Variants in POLR3B observed in about 807,000 individuals in gnomAD.
POLR3B encodes DNA-directed RNA polymerase III subunit RPC2.
A neutral mutation model predicts 147.4 loss-of-function variants in POLR3B; 96 were observed. The observed-to-expected ratio is 0.65, with a 90% CI of 0.55 to 0.77. The LOEUF is 0.77. Among genes scored for constraint, POLR3B ranks in the 30% least tolerant of loss-of-function variants. POLR3B has a pLI of 0.00. For synonymous variants in POLR3B, 461 were observed against 485.9 expected (o/e 0.95, Z 0.67); for missense variants, 1,036 against 1,413.5 (o/e 0.73, Z 4.28).
chr12:106,501,514 A>G (rs2038601443), intron 26 of POLR3B, 78 bp downstream of exon 26: 1 of 896,876 alleles, frequency 1.1e-6, no homozygotes, highest in Non-Finnish European at 1.8e-6. Flanking sequence ...GGCAAAAAGC[A>G]GACTCAACAA....
Position 106,369,362 on chromosome 12 carries a change from C to G in POLR3B, c.303+12C>G. ...TGTCCCCTCATGAGGTAATTATGAA[C>G]CTTACTTTAATTGGACTTGTTTGCT... is the stretch of plus-strand genomic sequence containing the variant. On this transcript the variant is annotated intron_variant, in intron 5 of 27. Transcript: ENST00000228347. 6.9e-7 allele frequency: 1 copy of G among 1,458,202 alleles called. No individual in the cohort carries two copies. Among genetic ancestry groups the G allele is most frequent in the Non-Finnish European group, 9.6e-7 (1 of 1,037,532 alleles). 90.3% of individuals were successfully genotyped at this position (1,458,202 alleles called of 1,614,324 possible). A position where few individuals can be genotyped will look rare whatever the true frequency, so the allele number is the denominator to read the frequency against.
Position 106,366,709 on chromosome 12 carries a change from A to G in POLR3B, c.214A>G (p.Met72Val), listed in dbSNP as rs765662843. 3.7e-6 allele frequency: 6 copies of G among 1,612,296 alleles called. No homozygotes were observed. The highest frequency in any genetic ancestry group is 5.1e-6 in the Non-Finnish European group (6 of 1,178,390). The change falls in exon 4 of 28, where the codon ATG (methionine) becomes GTG (valine). Residue 72 changes from methionine to valine, a missense_variant. By Grantham distance (21) the Met-to-Val change is conservative (BLOSUM62 1). Around this residue, in one of 12 missense-constraint regions of POLR3B, gnomAD observed 150 missense variants for 145.5 expected, o/e 1.03. Transcript: ENST00000228347. ...NEKVTSDADP[M>V]WYLKYLNIYV... ...AAAGGTTACAAGTGACGCTGACCCT[A>G]TGTGGTACTTAAAGTAAGGAACCAA...
intron 10 of POLR3B, among the ~76,000 whole-genome samples, chr12:106,399,397 C>T (rs924551673): frequency 6.6e-6 from 1 of 152,186 alleles, no homozygotes; most frequent in Non-Finnish European, 1.5e-5. Context: ...AGTTGGAAAA[C>T]ACTCTGCAGG....
intron 7 of POLR3B, 25 bp from the exon 8 acceptor site, chr12:106,378,239 TGAA>T (rs1364481126): frequency 7.4e-7 from 1 of 1,344,372 alleles, no homozygotes; most frequent in African/African-American, 1.4e-5. Context: ...GAATAAATGA[TGAA>T]GTTTTTCTTG....
At chr12:106,505,560 A>T (rs1170108530) in intron 27 of POLR3B, among the ~76,000 whole-genome samples, 1 of 152,048 alleles carries the variant, frequency 6.6e-6, no homozygotes, top group Non-Finnish European at 1.5e-5. Context: ...TATAGGCATG[A>T]GCTACCATGC....
At chr12:106,383,507 T>A (rs1435613673) in intron 9 of POLR3B, among the ~76,000 whole-genome samples, 1 of 152,116 alleles carries the variant, frequency 6.6e-6, no homozygotes, top group African/African-American at 2.4e-5. Context: ...GGGTTATTAA[T>A]TGACCTAATT....
In POLR3B at chr12:106,496,081, G is replaced by A. The variant is rs1381339891; in HGVS notation, c.2740G>A (p.Glu914Lys). ...KGVCGLIVPQ[E>K]DMPFCDSGIC... The stretch of plus-strand genomic sequence containing the variant: ...TGTTTGTGGCTTGATCGTCCCCCAG[G>A]AAGACATGCCATTTTGTGATTCTGG... Residue 914 changes from glutamate (E) to lysine (K), a missense_variant, in exon 24 of 28, where the codon GAA (glutamate) becomes AAA (lysine). Glu to Lys is a moderately conservative substitution (Grantham distance 56). Coordinates refer to ENST00000228347, the MANE Select transcript of POLR3B (RefSeq NM_018082.6). The A allele has an allele frequency of 2.5e-6, 4 of 1,612,028 alleles. No individual in the cohort carries two copies. Among genetic ancestry groups the A allele is most frequent in the Non-Finnish European group, 3.4e-6 (4 of 1,178,246 alleles).
rs2036676937 is a variant in POLR3B at position 106,376,254 on chromosome 12, G to A, written c.405-105G>A. 3.5e-5 allele frequency: 27 copies of A among 774,178 alleles called. No homozygotes were observed. In the South Asian group the frequency reaches 3.5e-4, roughly 10 times the overall value. 48.0% of individuals were successfully genotyped at this position (774,178 alleles called of 1,614,324 possible). A position where few individuals can be genotyped will look rare whatever the true frequency, so the allele number is the denominator to read the frequency against. On this transcript the variant is annotated intron_variant, in intron 6 of 27. Transcript: ENST00000228347. The stretch of plus-strand genomic sequence containing the variant: ...TCTGCCTTTTCTAACATGGTGCATA[G>A]ATAGACCCTTAGTGAGGTGGTGTGC...
intron 23 of POLR3B, among the ~76,000 whole-genome samples, chr12:106,489,870 C>T (rs2038385720): frequency 6.6e-6 from 1 of 152,034 alleles, no homozygotes; most frequent in Admixed American, 6.6e-5. Flanking sequence ...CTTGATCCTG[C>T]TTGAATGGAA....
At position 106,475,131 on chromosome 12, in the gene POLR3B, G is replaced by A. The variant is rs796578621; in HGVS notation, c.2713+11511G>A. Among the ~76,000 whole-genome samples the A allele has an allele frequency of 4.6e-4, 54 of 116,478 alleles. 4 individuals are homozygous for A. The highest frequency in any genetic ancestry group is 8.3e-5 in the Admixed American group (1 of 12,068). The allele number at this position is 116,478 out of a possible 152,430, so 76.4% of individuals were successfully genotyped here. A position where few individuals can be genotyped will look rare whatever the true frequency, so the allele number is the denominator to read the frequency against. On this transcript the variant is annotated intron_variant, in intron 23 of 27. Transcript: ENST00000228347. Reference sequence around the variant, plus strand: ...CCTTCATTTCGTTATGTACCCAGTAGTCATTCAGGAGCAGGTTGTTCAGTT... The same window carrying A: ...CCTTCATTTCGTTATGTACCCAGTAATCATTCAGGAGCAGGTTGTTCAGTT...
At chr12:106,483,351 C>T (rs187676512) in intron 23 of POLR3B, among the ~76,000 whole-genome samples, 12 of 152,156 alleles carry the variant, frequency 7.9e-5, no homozygotes, top group Admixed American at 1.3e-4. Context: ...GAAACCTATT[C>T]GGTCATTTTT....
intron 25 of POLR3B, among the ~76,000 whole-genome samples, chr12:106,499,731 C>T (rs1332174128): frequency 6.6e-6 from 1 of 152,198 alleles, no homozygotes; most frequent in African/African-American, 2.4e-5. Flanking sequence ...AATTACTTTA[C>T]TATGTGACAA....
chr12:106,492,393 AT>A (rs2038418013), intron 23 of POLR3B, among the ~76,000 whole-genome samples: 1 of 152,090 alleles, frequency 6.6e-6, no homozygotes, highest in Non-Finnish European at 1.5e-5. Context: ...AAAAAAAAAA[AT>A]TAAAAATTAG....
At chr12:106,385,657 T>A (rs2036825847) in intron 9 of POLR3B, among the ~76,000 whole-genome samples, 1 of 152,168 alleles carries the variant, frequency 6.6e-6, no homozygotes, top group African/African-American at 2.4e-5. Context: ...ATCAGTCTGG[T>A]GATTGGGATT....
chr12:106,456,915 A>G (rs574284939), intron 20 of POLR3B, among the ~76,000 whole-genome samples: 2 of 152,312 alleles, frequency 1.3e-5, no homozygotes, highest in South Asian at 4.1e-4. Context: ...TAGAGATTCC[A>G]GTGTTTACAC....
Position 106,498,659 on chromosome 12 carries a change from G to A in POLR3B, c.2984+1741G>A, listed in dbSNP as rs1275054023. On this transcript the variant is annotated intron_variant, in intron 25 of 27. Coordinates refer to ENST00000228347, the MANE Select transcript of POLR3B (RefSeq NM_018082.6). ...TGCAATGGCGCTGTCTCAGCTCACT[G>A]CAACCTCTGCTTCCCGGGGGGGTTC... is the stretch of plus-strand genomic sequence containing the variant. Among the ~76,000 whole-genome samples the A allele has an allele frequency of 2.0e-5, 3 of 150,292 alleles. No individual in the cohort carries two copies. In the East Asian group the frequency reaches 5.8e-4, roughly 29 times the overall value.
intron 10 of POLR3B, among the ~76,000 whole-genome samples, chr12:106,404,373 A>G (rs2037121738): frequency 1.3e-5 from 2 of 152,198 alleles, no homozygotes; most frequent in African/African-American, 2.4e-5. Flanking sequence ...GATTACAGGC[A>G]TGAGCCACCA....
At chr12:106,410,550 C>T in intron 11 of POLR3B, 1 of 434,502 alleles carries the variant, frequency 2.3e-6, no homozygotes, top group Admixed American at 3.6e-5. Context: ...ATAGATTCCA[C>T]CTTTAATGAA....
chr12:106,388,679 T>C (rs2036875768), intron 9 of POLR3B, among the ~76,000 whole-genome samples: 2 of 152,240 alleles, frequency 1.3e-5, no homozygotes, highest in Admixed American at 1.3e-4. Flanking sequence ...AGTTCTCTTA[T>C]TACCTGCTGG....
Sources: gnomAD v4.1 joint callset for allele counts (sites outside exome capture counted in the v4.1 genomes callset) on GRCh38, gnomAD v4.1.1 for gene constraint, gnomAD v4.1.1 regional missense constraint, MANE v1.5 for transcripts, NCBI Gene and HGNC (gene_info 2026-07-23, HGNC 2026-07-21) for gene names.